The following RO60 variants were observed in gnomAD, a reference collection of about 807,000 sequenced individuals.
RO60 encodes the protein Ro60, Y RNA binding protein.
RO60 carries 20 observed loss-of-function variants against 55.3 expected under a neutral mutation model. The ratio of observed to expected loss-of-function variants is 0.36; its 90% confidence interval spans 0.25 to 0.53. The LOEUF is 0.53. RO60 is among the 20% of genes least tolerant of loss of function. The pLI, the probability that RO60 is intolerant of heterozygous loss-of-function variation, is 0.92. For missense variants in RO60, 558 were observed against 646.6 expected (o/e 0.86, Z 1.49); for synonymous variants, 213 against 213.6 (o/e 1.00, Z 0.02).
In RO60 at chr1:193,069,206, A is replaced by G. The variant is rs1351767844; in HGVS notation, c.152A>G (p.Gln51Arg). ...GGTGGGACTTATTATATCAAAGAAC[A>G]GAAGTTGGGCCTTGAAAATGCTGAA... ...SEGGTYYIKEQKLGLENAEAL... is the reference protein window; with the variant it reads ...SEGGTYYIKERKLGLENAEAL... The change falls in exon 2 of 9, where the codon CAG becomes CGG. Residue 51 changes from glutamine to arginine, a missense_variant. Gln to Arg is a conservative substitution (Grantham distance 43, BLOSUM62 1). Transcript: ENST00000400968. The G allele has an allele frequency of 6.2e-7, 1 of 1,614,232 alleles. No homozygotes were observed.
In RO60 at chr1:193,085,350, G is replaced by C. The variant is rs1674578527; in HGVS notation, c.*619G>C. The C allele has an allele frequency of 9.9e-7, 1 of 1,009,042 alleles. No homozygotes were observed. The highest frequency in any genetic ancestry group is 1.2e-6 in the Non-Finnish European group (1 of 845,532). 62.5% of individuals were successfully genotyped at this position (1,009,042 alleles called of 1,614,324 possible). ...ATATTTTATTTCTGATGTTTTATTTGCACTTGTGGAATATGTTACCATTAA... is the reference window on the plus strand; with the variant it reads ...ATATTTTATTTCTGATGTTTTATTTCCACTTGTGGAATATGTTACCATTAA... On this transcript the variant is annotated 3_prime_UTR_variant, in exon 9 of 9. Coordinates refer to ENST00000400968, the MANE Select transcript of RO60 (RefSeq NM_001173524.2).
chr1:193,073,137 G>T (rs1403514337), intron 2 of RO60, among the ~76,000 whole-genome samples: 1 of 152,130 alleles, frequency 6.6e-6, no homozygotes, highest in African/African-American at 2.4e-5. Flanking sequence ...TACAGAACCG[G>T]GTAGGATAAA....
rs529878512 is a variant in RO60, at chr1:193,083,134, T to C, written c.1464+426T>C. Among the ~76,000 whole-genome samples, 8 of 152,350 alleles carry C rather than the reference T, an allele frequency of 5.3e-5. No individual in the cohort carries two copies. The South Asian group carries it at 1.4e-3, about 28-fold the overall frequency. On this transcript the variant is annotated intron_variant, in intron 8 of 8. Coordinates refer to ENST00000400968, the MANE Select transcript of RO60 (RefSeq NM_001173524.2). ...CTTATATAGGAGCCAGTGTCCGTTA[T>C]AGACTCAGCAGTACTTAAAATAAGA...
chr1:193,084,074 G>T (rs1406627541), intron 8 of RO60, among the ~76,000 whole-genome samples: 1 of 152,216 alleles, frequency 6.6e-6, no homozygotes, highest in Non-Finnish European at 1.5e-5. Context: ...TATACATTCA[G>T]TGATTGTTGG....
At chr1:193,062,408 G>T (rs913122623) in intron 1 of RO60, among the ~76,000 whole-genome samples, 2 of 152,112 alleles carry the variant, frequency 1.3e-5, no homozygotes. Context: ...AATTGTATTG[G>T]TGCTCTCCAT....
In RO60 at chr1:193,089,131, G is replaced by C. The variant is rs1674749536; in HGVS notation, c.*4400G>C. The C allele has an allele frequency of 6.6e-6, 1 of 152,110 alleles. No homozygotes were observed. The highest frequency in any genetic ancestry group is 1.5e-5 in the Non-Finnish European group (1 of 68,004). The allele number at this position is 152,110 out of a possible 1,614,324, so 9.4% of individuals were successfully genotyped here. On this transcript the variant is annotated 3_prime_UTR_variant, in exon 9 of 9. Coordinates refer to ENST00000400968, the MANE Select transcript of RO60 (RefSeq NM_001173524.2). The stretch of plus-strand genomic sequence containing the variant: ...ATTATATTGTATATCTTTTATATTA[G>C]ATGTTTGCAGAAATTCTGTGGCCTT...
chr1:193,076,849 A>G, intron 4 of RO60, 64 bp from the exon 5 acceptor site: 1 of 1,514,270 alleles, frequency 6.6e-7, no homozygotes, highest in East Asian at 2.3e-5. Flanking sequence ...CAATAACACA[A>G]AAATCTAAGG....
chr1:193,084,815 C>T lies in RO60; in HGVS notation c.*84C>T. On this transcript the variant is annotated 3_prime_UTR_variant, in exon 9 of 9. Transcript: ENST00000400968. ...ACAGCTACTTCCCAGCTAATCTCCACCCAATGAATGATGATGGTATAGTAT... is the reference window on the plus strand; with the variant it reads ...ACAGCTACTTCCCAGCTAATCTCCATCCAATGAATGATGATGGTATAGTAT... The T allele has an allele frequency of 1.3e-6, 2 of 1,546,552 alleles. No individual in the cohort carries two copies. The highest frequency in any genetic ancestry group is 1.7e-6 in the Non-Finnish European group (2 of 1,152,284).
chr1:193,082,579 T>TGATTG lies in RO60; in HGVS notation c.1336_1340dup (p.Cys447TrpfsTer7). 6.2e-7 allele frequency: 1 copy of TGATTG among 1,613,914 alleles called. No individual in the cohort carries two copies. The highest frequency in any genetic ancestry group is 8.5e-7 in the Non-Finnish European group (1 of 1,179,896). On this transcript the variant is annotated frameshift_variant, in exon 8 of 9. Transcript: ENST00000400968. LOFTEE classifies it high-confidence loss of function. Reference sequence around the variant, plus strand: ...CGAATTAGATCCCAGCAGGTGGAACTGATTGCTCTCTTCCAATGATCTGGG... The same window carrying TGATTG: ...CGAATTAGATCCCAGCAGGTGGAACTGATTGGATTGCTCTCTTCCAATGATCTGGG...
In RO60 at chr1:193,059,786, T is replaced by A. The variant is rs762947133; in HGVS notation, c.-22+10T>A. ...CGGCTGCCAGGTACAGGTGAGGACA[T>A]TGCGGGAGGCCGGCTGGGAGCCTTT... On this transcript the variant is annotated intron_variant, in intron 1 of 8. Transcript: ENST00000400968. This position sits in a 1 kb window ranked among gnomAD's most constrained non-coding sequence, Gnocchi z 4.9. 8 of 1,357,008 alleles carry A rather than the reference T, an allele frequency of 5.9e-6. No homozygotes were observed. Among genetic ancestry groups the A allele is most frequent in the Non-Finnish European group, 7.9e-6 (8 of 1,017,542 alleles). 84.1% of individuals were successfully genotyped at this position (1,357,008 alleles called of 1,614,324 possible). A position where few individuals can be genotyped will look rare whatever the true frequency, so the allele number is the denominator to read the frequency against.
chr1:193,077,919 A>G (rs1231163713), intron 5 of RO60, among the ~76,000 whole-genome samples: 2 of 151,946 alleles, frequency 1.3e-5, no homozygotes, highest in African/African-American at 4.8e-5. Flanking sequence ...ATTGGTAGAT[A>G]GATCTCATCA....
Position 193,082,213 on chromosome 1 carries a change from T to C in RO60, c.1231T>C (p.Tyr411His). The change falls in exon 7 of 9, where the codon TAT becomes CAT. Residue 411 changes from tyrosine (Y) to histidine (H), a missense_variant. By Grantham distance (83) the Tyr-to-His change is moderately conservative. Transcript: ENST00000400968. Reference protein sequence around the residue: ...MVVTRTEKDSYVVAFSDEMVP... With the variant: ...MVVTRTEKDSHVVAFSDEMVP... Reference sequence around the variant, plus strand: ...TGTCACACGAACAGAAAAAGATTCTTATGTAGTTGCTTTTTCCGATGAAAT... The same window carrying C: ...TGTCACACGAACAGAAAAAGATTCTCATGTAGTTGCTTTTTCCGATGAAAT... 6.2e-7 allele frequency: 1 copy of C among 1,613,126 alleles called. No individual in the cohort carries two copies.
At chr1:193,080,182 GAA>G (rs1232469636) in intron 5 of RO60, among the ~76,000 whole-genome samples, 1 of 151,818 alleles carries the variant, frequency 6.6e-6, no homozygotes, top group African/African-American at 2.4e-5. Flanking sequence ...AATAATCAGA[GAA>G]ATGCAAATCA....
chr1:193,071,093 A>C (rs1413404603), intron 2 of RO60, among the ~76,000 whole-genome samples: 3 of 152,166 alleles, frequency 2.0e-5, no homozygotes, highest in Admixed American at 1.3e-4. Flanking sequence ...CAGGCATCAG[A>C]TTCTCATAAG....
Position 193,084,752 on chromosome 1 carries a change from C to T in RO60, c.*21C>T. 1 of 1,602,736 alleles carries T rather than the reference C, an allele frequency of 6.2e-7. No homozygotes were observed. The highest frequency in any genetic ancestry group is 1.3e-5 in the African/African-American group (1 of 74,512). ...TTTAACCATAAGCAGCAGCACGATC[C>T]AGAGATCCATTGCCATCAGTGATCT... On this transcript the variant is annotated 3_prime_UTR_variant, in exon 9 of 9. Transcript: ENST00000400968.
At position 193,086,047 on chromosome 1, in the gene RO60, C is replaced by G; in HGVS notation, c.*1316C>G. ...GTAGCTTACACATAAAACCTGTTTGCGTATCTGTTGTTCTCTAAATATTAA... is the reference window on the plus strand; with the variant it reads ...GTAGCTTACACATAAAACCTGTTTGGGTATCTGTTGTTCTCTAAATATTAA... On this transcript the variant is annotated 3_prime_UTR_variant, in exon 9 of 9. Coordinates refer to ENST00000400968, the MANE Select transcript of RO60 (RefSeq NM_001173524.2). 1.0e-6 allele frequency: 1 copy of G among 982,044 alleles called. No individual in the cohort carries two copies. Among genetic ancestry groups the G allele is most frequent in the Middle Eastern group, 5.2e-4 (1 of 1,910 alleles). 60.8% of individuals were successfully genotyped at this position (982,044 alleles called of 1,614,324 possible).
At chr1:193,076,426 T>C (rs1572089673) in intron 3 of RO60, 75 bp from the exon 4 acceptor site, 1 of 1,467,118 alleles carries the variant, frequency 6.8e-7, no homozygotes, top group East Asian at 2.4e-5. Flanking sequence ...ATTATGAATA[T>C]TTTTTTATAT....
intron 1 of RO60, among the ~76,000 whole-genome samples, chr1:193,061,453 A>C (rs1672719354): frequency 6.6e-6 from 1 of 152,252 alleles, no homozygotes; most frequent in African/African-American, 2.4e-5. Context: ...TTTTCAAATA[A>C]ATTATAAAGA....
At position 193,059,714 on chromosome 1, in the gene RO60, C is replaced by A; in HGVS notation, c.-84C>A. 7.4e-7 allele frequency: 1 copy of A among 1,352,554 alleles called. No individual in the cohort carries two copies. Among genetic ancestry groups the A allele is most frequent in the East Asian group, 4.7e-5 (1 of 21,324 alleles). 83.8% of individuals were successfully genotyped at this position (1,352,554 alleles called of 1,614,324 possible). On this transcript the variant is annotated 5_prime_UTR_variant, in exon 1 of 9. Transcript: ENST00000400968. The surrounding 1 kb of genome is among the most constrained non-coding windows in gnomAD (Gnocchi z 4.9). ...CAGGCTGCCTTCTTTTGTCGTTTCC[C>A]AGCGCTGCGCAGGACTTCTCCTGGC...
Sources: allele counts gnomAD v4.1 joint callset (sites outside exome capture counted in the v4.1 genomes callset), GRCh38; gene constraint gnomAD v4.1.1; non-coding constraint Gnocchi (gnomAD v3.1); transcripts MANE v1.5; gene names NCBI Gene and HGNC (gene_info 2026-07-23, HGNC 2026-07-21).